Variants in SMARCAL1 observed in about 807,000 individuals in gnomAD.
SMARCAL1 encodes the protein SNF2 related chromatin remodeling annealing helicase 1.
A neutral mutation model predicts 94.5 loss-of-function variants in SMARCAL1; 58 were observed. That is an observed-to-expected ratio of 0.61 (90% CI 0.50 to 0.76). SMARCAL1 has a LOEUF of 0.76. Among genes scored for constraint, SMARCAL1 ranks in the 30% least tolerant of loss-of-function variants. The pLI, the probability that SMARCAL1 is intolerant of heterozygous loss-of-function variation, is 0.00. For missense variants in SMARCAL1, 1,051 were observed against 1,177.9 expected (o/e 0.89, Z 1.58); for synonymous variants, 422 against 455.1 (o/e 0.93, Z 0.93).
intron 10 of SMARCAL1, among the ~76,000 whole-genome samples, chr2:216,440,544 A>G (rs1694175447): frequency 6.6e-6 from 1 of 152,218 alleles, no homozygotes. Context: ...ATGAATTAAT[A>G]TTTTAAAATA....
At chr2:216,465,846 C>T (rs983750075) in intron 13 of SMARCAL1, among the ~76,000 whole-genome samples, 1 of 152,102 alleles carries the variant, frequency 6.6e-6, no homozygotes, top group African/African-American at 2.4e-5. Context: ...CTGCCCCATC[C>T]TCGTACTTGG....
At chr2:216,446,707 C>G (rs1160990835) in intron 10 of SMARCAL1, 1 of 526,552 alleles carries the variant, frequency 1.9e-6, no homozygotes, top group Admixed American at 2.2e-5. Flanking sequence ...GCATATGCTA[C>G]AGAAAATAAA....
chr2:216,426,212 CT>C (rs1322772701), intron 6 of SMARCAL1, among the ~76,000 whole-genome samples: 1 of 152,200 alleles, frequency 6.6e-6, no homozygotes, highest in African/African-American at 2.4e-5. Context: ...TTCCTTCTCG[CT>C]TTTGTCTTTC....
chr2:216,454,183 G>A (rs1694505826), intron 12 of SMARCAL1, among the ~76,000 whole-genome samples: 1 of 152,162 alleles, frequency 6.6e-6, no homozygotes, highest in African/African-American at 2.4e-5. Flanking sequence ...CAGGAACAAA[G>A]AATGCAGGTT....
In SMARCAL1 at chr2:216,475,419, G is replaced by T. The variant is rs1223074564; in HGVS notation, c.2395G>T (p.Val799Leu). Residue 799 changes from valine to leucine, a missense_variant, in exon 15 of 18, where the codon GTG becomes TTG. By Grantham distance (32) the Val-to-Leu change is conservative (BLOSUM62 1). Around this residue, in one of 3 missense-constraint regions of SMARCAL1, gnomAD observed 642 missense variants for 754.7 expected, o/e 0.85. Coordinates refer to ENST00000357276, the MANE Select transcript of SMARCAL1 (RefSeq NM_014140.4). This position sits in a 1 kb window ranked among gnomAD's most constrained non-coding sequence, Gnocchi z 4.4. ...CCTCACCTTCTCCTCGGCTGACCTG[G>T]TGGTGTTTGCTGAGCTGTTTTGGAA... ...MGLTFSSADL[V>L]VFAELFWNPG... 1.2e-6 allele frequency: 2 copies of T among 1,614,206 alleles called. No homozygotes were observed. The highest frequency in any genetic ancestry group is 2.7e-5 in the African/African-American group (2 of 75,054).
In SMARCAL1 at chr2:216,464,659, A is replaced by T. The variant is rs947619356; in HGVS notation, c.2133A>T (p.Pro711=). 119 of 1,608,562 alleles carry T rather than the reference A, an allele frequency of 7.4e-5. No homozygotes were observed. The highest frequency in any genetic ancestry group is 9.7e-5 in the Non-Finnish European group (114 of 1,176,498). ...FFNRTAEAKI[P]SVIEYILDLL... ...ACAGAACAGCTGAAGCTAAAATCCC[A>T]TCTGTCATGTAAGTGGTCACTAAGT... The change falls in exon 13 of 18, where the codon CCA becomes CCT. Residue 711 remains proline (P), a synonymous_variant. Transcript: ENST00000357276.
Position 216,449,280 on chromosome 2 carries a change from G to C in SMARCAL1, c.1852-1566G>C, listed in dbSNP as rs759874659. Among the ~76,000 whole-genome samples the C allele has an allele frequency of 5.9e-5, 9 of 152,284 alleles. No individual in the cohort carries two copies. In the South Asian group the frequency reaches 6.2e-4, roughly 11 times the overall value. ...TTACTTTTCTAATGTGTGAAATTTG[G>C]GGGACACATTTAAGCCATAGCAATA... is the stretch of plus-strand genomic sequence containing the variant. On this transcript the variant is annotated intron_variant, in intron 11 of 17. Transcript: ENST00000357276.
intron 9 of SMARCAL1, among the ~76,000 whole-genome samples, chr2:216,438,219 A>C (rs1694119036): frequency 6.6e-6 from 1 of 152,222 alleles, no homozygotes; most frequent in African/African-American, 2.4e-5. Context: ...GAGCTGAAGC[A>C]ACTTGCTCAG....
intron 6 of SMARCAL1, chr2:216,427,066 G>C (rs954421190): frequency 2.6e-5 from 4 of 152,208 alleles, no homozygotes; most frequent in Admixed American, 2.6e-4. Context: ...CTTGCTGTCA[G>C]TCCAGAAGGG....
At chr2:216,458,315 T>C (rs1269101195) in intron 12 of SMARCAL1, among the ~76,000 whole-genome samples, 2 of 152,054 alleles carry the variant, frequency 1.3e-5, no homozygotes, top group African/African-American at 2.4e-5. Context: ...AAAGAGGGAA[T>C]CCTCCCTAAC....
intron 1 of SMARCAL1, among the ~76,000 whole-genome samples, 154 bp from the exon 2 acceptor site, chr2:216,413,702 T>C (rs1559120198): frequency 6.6e-6 from 1 of 152,022 alleles, no homozygotes; most frequent in Non-Finnish European, 1.5e-5. Context: ...TTGCTCCGTG[T>C]GTTGTGTTGG....
intron 12 of SMARCAL1, among the ~76,000 whole-genome samples, chr2:216,458,590 T>C (rs1291383894): frequency 6.6e-6 from 1 of 152,198 alleles, no homozygotes; most frequent in African/African-American, 2.4e-5. Flanking sequence ...ACCACATGAT[T>C]ATCTCAATAG....
At chr2:216,425,809 C>G (rs183733507) in intron 6 of SMARCAL1, among the ~76,000 whole-genome samples, 2 of 152,118 alleles carry the variant, frequency 1.3e-5, no homozygotes, top group Non-Finnish European at 2.9e-5. Flanking sequence ...ATAGGCAGGC[C>G]TGGAAAAAGC....
rs1046091424 is a variant in SMARCAL1, at chr2:216,482,232, C to T, written c.2626-506C>T. 5.9e-5 allele frequency among the ~76,000 whole-genome samples: 9 copies of T among 152,192 alleles called. No individual in the cohort carries two copies. Among genetic ancestry groups the T allele is most frequent in the Admixed American group, 2.0e-4 (3 of 15,288 alleles). ...TTTTGGGTAGCTGAGGTGGGCAGAT[C>T]ATTTGAGCTCAGGAGTTCGAGACCA... is the stretch of plus-strand genomic sequence containing the variant. On this transcript the variant is annotated intron_variant, in intron 17 of 17. Coordinates refer to ENST00000357276, the MANE Select transcript of SMARCAL1 (RefSeq NM_014140.4). The surrounding 1 kb of genome is among the most constrained non-coding windows in gnomAD (Gnocchi z 4.3).
rs1017355942 is a variant in SMARCAL1 at position 216,428,973 on chromosome 2, C to T, written c.1334+191C>T. The stretch of plus-strand genomic sequence containing the variant: ...TTATTGTAACCATTGATTTCAAATT[C>T]CATGGGTTAATCAAGACTCTGAATT... On this transcript the variant is annotated intron_variant, in intron 7 of 17. Transcript: ENST00000357276. 3.3e-5 allele frequency among the ~76,000 whole-genome samples: 5 copies of T among 152,240 alleles called. No homozygotes were observed. In the East Asian group the frequency reaches 9.6e-4, roughly 29 times the overall value.
At chr2:216,470,336 G>A (rs1034813709) in intron 14 of SMARCAL1, among the ~76,000 whole-genome samples, 1 of 151,896 alleles carries the variant, frequency 6.6e-6, no homozygotes, top group Non-Finnish European at 1.5e-5. Context: ...CATTTTTTTA[G>A]TAGAGACGGG....
chr2:216,424,246 G>A (rs1295554516), intron 6 of SMARCAL1, among the ~76,000 whole-genome samples: 1 of 152,202 alleles, frequency 6.6e-6, no homozygotes. Context: ...TGCAAGAAGA[G>A]GAAGCCATTT....
At chr2:216,455,844 G>T (rs1559133159) in intron 12 of SMARCAL1, among the ~76,000 whole-genome samples, 1 of 152,228 alleles carries the variant, frequency 6.6e-6, no homozygotes. Flanking sequence ...AACAAAGCTG[G>T]ACGGAGAATG....
intron 14 of SMARCAL1, among the ~76,000 whole-genome samples, chr2:216,468,360 C>T (rs1342062904): frequency 1.3e-5 from 2 of 152,112 alleles, no homozygotes; most frequent in East Asian, 1.9e-4. Context: ...CAAAATTGTC[C>T]TTTTGTATGG....
Sources: gnomAD v4.1 joint callset for allele counts (sites outside exome capture counted in the v4.1 genomes callset) on GRCh38, gnomAD v4.1.1 for gene constraint, gnomAD v4.1.1 regional missense constraint, Gnocchi (gnomAD v3.1) non-coding constraint, MANE v1.5 for transcripts, NCBI Gene and HGNC (gene_info 2026-07-23, HGNC 2026-07-21) for gene names.